DSCAM: variants seen among roughly 807,000 people sequenced by gnomAD.
DSCAM encodes cell adhesion molecule DSCAM.
Under a neutral mutation model 217.7 loss-of-function variants are expected in DSCAM, and 47 were observed. The ratio of observed to expected loss-of-function variants is 0.22; its 90% CI spans 0.17 to 0.28. The LOEUF (loss-of-function observed/expected upper bound fraction) is 0.28. Ranked by LOEUF, DSCAM falls within the 10% of genes least tolerant of loss-of-function variation. The probability of loss-of-function intolerance (pLI) is 1.00; values close to 1 mark genes in which losing one functional copy is unlikely to be tolerated. For missense variants in DSCAM, 2,080 were observed against 2,618.3 expected (o/e 0.79, Z 4.49); for synonymous variants, 1,056 against 1,015.3 (o/e 1.04, Z -0.76).
At chr21:40,527,763 G>A (rs1418818819) in intron 3 of DSCAM, among the ~76,000 whole-genome samples, 1 of 152,222 alleles carries the variant, frequency 6.6e-6, no homozygotes. Context: ...TGCAGTGCCT[G>A]TTTCTGCTGT....
intron 20 of DSCAM, among the ~76,000 whole-genome samples, chr21:40,112,330 G>A (rs1021330451): frequency 6.6e-5 from 10 of 151,588 alleles, no homozygotes; most frequent in Non-Finnish European, 1.2e-4. Context: ...GGTACATAAC[G>A]AAATGAAGGC....
At chr21:40,663,875 T>TTTGGCTCAAGAC in intron 3 of DSCAM, among the ~76,000 whole-genome samples, 1 of 152,222 alleles carries the variant, frequency 6.6e-6, no homozygotes, top group East Asian at 1.9e-4. Flanking sequence ...AAGACTTTTT[T>TTTGGCTCAAGAC]TTGATTTCTG....
At chr21:40,477,626 T>C (rs1444000050) in intron 3 of DSCAM, among the ~76,000 whole-genome samples, 1 of 152,158 alleles carries the variant, frequency 6.6e-6, no homozygotes, top group Non-Finnish European at 1.5e-5. Flanking sequence ...ATAAAACCCA[T>C]ACTACTTGAG....
At chr21:40,647,944 A>G (rs1399685280) in intron 3 of DSCAM, among the ~76,000 whole-genome samples, 2 of 152,184 alleles carry the variant, frequency 1.3e-5, no homozygotes, top group African/African-American at 4.8e-5. Context: ...TGAGTGGGCA[A>G]TGATGTGCTG....
chr21:40,548,041 C>A (rs2076597728), intron 3 of DSCAM, among the ~76,000 whole-genome samples: 1 of 152,156 alleles, frequency 6.6e-6, no homozygotes, highest in Non-Finnish European at 1.5e-5. Flanking sequence ...GTTAGCAGAG[C>A]TGCGGAGGAG....
At chr21:40,528,416 T>C (rs1028282891) in intron 3 of DSCAM, among the ~76,000 whole-genome samples, 6 of 152,340 alleles carry the variant, frequency 3.9e-5, no homozygotes, top group Non-Finnish European at 7.3e-5. Context: ...TTATTATACA[T>C]AGAGTGTGTA....
At chr21:40,760,084 C>A (rs974334905) in intron 1 of DSCAM, among the ~76,000 whole-genome samples, 1 of 152,100 alleles carries the variant, frequency 6.6e-6, no homozygotes, top group South Asian at 2.1e-4. Context: ...ACCTCCACCC[C>A]CCAGGTTCAA....
chr21:40,603,838 T>C (rs2146265598), intron 3 of DSCAM, among the ~76,000 whole-genome samples: 1 of 152,214 alleles, frequency 6.6e-6, no homozygotes, highest in South Asian at 2.1e-4. Context: ...AAGGTGTTTT[T>C]CTCTGGCTTG....
At chr21:40,346,062 G>C (rs1449906122) in intron 6 of DSCAM, among the ~76,000 whole-genome samples, 1 of 152,164 alleles carries the variant, frequency 6.6e-6, no homozygotes, top group Admixed American at 6.5e-5. Flanking sequence ...ATGGTCTTTA[G>C]GTTTTCTTAG....
intron 11 of DSCAM, among the ~76,000 whole-genome samples, chr21:40,264,279 A>T (rs150613697): frequency 6.6e-6 from 1 of 152,324 alleles, no homozygotes; most frequent in Non-Finnish European, 1.5e-5. Context: ...ATTCCTGATG[A>T]ATACAGATGC....
In DSCAM at chr21:40,399,962, T is replaced by C. The variant is rs181602226; in HGVS notation, c.509-30717A>G. Among the ~76,000 whole-genome samples the C allele has an allele frequency of 6.2e-3, 940 of 152,256 alleles. 6 individuals are homozygous for C. Among genetic ancestry groups the C allele is most frequent in the Middle Eastern group, 0.027 (8 of 294 alleles). On this transcript the variant is annotated intron_variant, in intron 3 of 32. Coordinates refer to ENST00000400454, the MANE Select transcript of DSCAM (RefSeq NM_001389.5). ...AGTTCCAGGGAACATATTTCTAAAT[T>C]TTACCCATATGTGGAATGGATTCTT...
chr21:40,762,082 C>T lies in DSCAM; in HGVS notation c.44-53311G>A, dbSNP rs183288328. On this transcript the variant is annotated intron_variant, in intron 1 of 32. Transcript: ENST00000400454. ...AAGCAAGAGCAAACGAATTCAAAAC[C>T]TAGCAGAAGACAAGAAATAACTAAG... Among the ~76,000 whole-genome samples the T allele has an allele frequency of 2.5e-3, 381 of 152,186 alleles. 2 individuals are homozygous for T. The highest frequency in any genetic ancestry group is 8.2e-3 in the African/African-American group (340 of 41,514).
At chr21:40,301,711 C>T (rs1397303107) in intron 9 of DSCAM, among the ~76,000 whole-genome samples, 2 of 152,150 alleles carry the variant, frequency 1.3e-5, no homozygotes, top group African/African-American at 4.8e-5. Context: ...ATGCCCAGCG[C>T]ACAGCACAGA....
intron 30 of DSCAM, among the ~76,000 whole-genome samples, chr21:40,048,290 C>G (rs1010958100): frequency 6.6e-6 from 1 of 152,178 alleles, no homozygotes; most frequent in East Asian, 1.9e-4. Context: ...CTTTTCCATT[C>G]CCATTGTTCT....
chr21:40,611,057 A>T (rs114667635), intron 3 of DSCAM, among the ~76,000 whole-genome samples: 4 of 129,796 alleles, frequency 3.1e-5, no homozygotes, highest in Middle Eastern at 4.4e-3. Context: ...TTAGTTTTCA[A>T]TTTTTTTTTT....
chr21:40,015,466 G>A (rs1010761422), intron 32 of DSCAM, among the ~76,000 whole-genome samples: 2 of 145,314 alleles, frequency 1.4e-5, no homozygotes, highest in African/African-American at 5.1e-5. Flanking sequence ...GTCTTGCTCT[G>A]TTGCCCAGGC....
chr21:40,170,081 C>G, intron 15 of DSCAM, among the ~76,000 whole-genome samples: 1 of 152,320 alleles, frequency 6.6e-6, no homozygotes, highest in East Asian at 1.9e-4. Flanking sequence ...GTCCTCTCCA[C>G]GCTTTCGTTC....
chr21:40,031,392 C>T (rs1407878241), intron 32 of DSCAM, among the ~76,000 whole-genome samples: 2 of 152,130 alleles, frequency 1.3e-5, no homozygotes, highest in African/African-American at 2.4e-5. Context: ...ATACGACACT[C>T]GTGTATTGAA....
At chr21:40,503,737 G>T (rs1055457466) in intron 3 of DSCAM, among the ~76,000 whole-genome samples, 1 of 152,154 alleles carries the variant, frequency 6.6e-6, no homozygotes, top group African/African-American at 2.4e-5. Context: ...ATTTTCTCTG[G>T]ATTTCTCAAG....
Sources: allele counts gnomAD v4.1 joint callset (sites outside exome capture counted in the v4.1 genomes callset), GRCh38; gene constraint gnomAD v4.1.1; transcripts MANE v1.5; gene names NCBI Gene and HGNC (gene_info 2026-07-23, HGNC 2026-07-21).